The following GMDS variants were observed in gnomAD, a reference collection of about 807,000 sequenced individuals.
GMDS encodes the protein GDP-mannose 4,6 dehydratase.
A neutral mutation model predicts 49.9 loss-of-function variants in GMDS; 20 were observed. The observed-to-expected ratio is 0.40, with a 90% CI of 0.28 to 0.58. The LOEUF (loss-of-function observed/expected upper bound fraction) is 0.58, where lower values mean the gene tolerates loss of function less well. Ranked by LOEUF, GMDS falls within the 20% of genes least tolerant of loss-of-function variation. GMDS has a pLI of 0.42. For missense variants in GMDS, 362 were observed against 481.4 expected, an observed-to-expected ratio of 0.75 and a Z score of 2.32; for synonymous variants, 177 against 178.6, an observed-to-expected ratio of 0.99 and a Z score of 0.07.
rs1350026423 is a variant in GMDS, at chr6:1,836,211, T to C, written c.772-93625A>G. Reference sequence around the variant, plus strand: ...AGTACGTTTTTGATTCACTAGTATCTTGTCATGCCTGATAGTCTCTTTTAA... The same window carrying C: ...AGTACGTTTTTGATTCACTAGTATCCTGTCATGCCTGATAGTCTCTTTTAA... On this transcript the variant is annotated intron_variant, in intron 7 of 10. Transcript: ENST00000380815. This position sits in a 1 kb window ranked among gnomAD's most constrained non-coding sequence, Gnocchi z 4.2. Among the ~76,000 whole-genome samples, 1 of 152,186 alleles carries C rather than the reference T, an allele frequency of 6.6e-6. No individual in the cohort carries two copies. The highest frequency in any genetic ancestry group is 2.4e-5 in the African/African-American group (1 of 41,444).
intron 5 of GMDS, 75 bp downstream of exon 5, chr6:1,960,699 G>C: frequency 1.0e-6 from 1 of 961,242 alleles, no homozygotes. Context: ...TGAACAGAAT[G>C]AAAGGAAAAA....
intron 7 of GMDS, among the ~76,000 whole-genome samples, chr6:1,826,047 T>G (rs1388263244): frequency 6.6e-6 from 1 of 152,042 alleles, no homozygotes; most frequent in Admixed American, 6.6e-5. Context: ...ATGGTACACA[T>G]GTACAGGCAC....
At chr6:1,643,871 TAA>T (rs369051509) in intron 9 of GMDS, among the ~76,000 whole-genome samples, 1,703 of 150,896 alleles carry the variant, frequency 0.011, 31 homozygotes, top group African/African-American at 0.038. Flanking sequence ...CCCTCCCCTC[TAA>T]AAAAAAAGTC....
intron 9 of GMDS, among the ~76,000 whole-genome samples, chr6:1,629,663 G>A (rs1279039058): frequency 2.6e-5 from 4 of 152,144 alleles, no homozygotes; most frequent in African/African-American, 4.8e-5. Context: ...TCCCACTGTC[G>A]CCACTGTCAC....
intron 9 of GMDS, among the ~76,000 whole-genome samples, chr6:1,627,312 C>T (rs9392311): frequency 0.15 from 23,320 of 152,150 alleles, 2,237 homozygotes; most frequent in East Asian, 0.42. Flanking sequence ...TAAAGGGTGG[C>T]GTGGGGAGGG....
chr6:2,243,781 T>C (rs1324335980), intron 1 of GMDS, among the ~76,000 whole-genome samples: 1 of 151,276 alleles, frequency 6.6e-6, no homozygotes, highest in African/African-American at 2.4e-5. Context: ...AATCAGGTAT[T>C]CAATACTTGA....
At chr6:2,060,751 C>T (rs950528367) in intron 4 of GMDS, among the ~76,000 whole-genome samples, 1 of 152,108 alleles carries the variant, frequency 6.6e-6, no homozygotes, top group Non-Finnish European at 1.5e-5. Flanking sequence ...AGAAGGGGGC[C>T]GGGCGCGGTG....
intron 4 of GMDS, among the ~76,000 whole-genome samples, chr6:2,111,086 C>T (rs1481670390): frequency 2.0e-5 from 3 of 152,172 alleles, no homozygotes; most frequent in African/African-American, 7.2e-5. Context: ...TTGAAAATGA[C>T]ATTAAGATTA....
intron 4 of GMDS, among the ~76,000 whole-genome samples, chr6:2,086,695 G>A (rs921640499): frequency 9.8e-5 from 15 of 152,352 alleles, no homozygotes; most frequent in African/African-American, 3.6e-4. Flanking sequence ...TCAGTTAAAT[G>A]TGTTTTATTT....
At chr6:1,738,107 TAC>T (rs774574655) in intron 8 of GMDS, among the ~76,000 whole-genome samples, 16 of 123,956 alleles carry the variant, frequency 1.3e-4, no homozygotes, top group South Asian at 5.2e-4. Flanking sequence ...ACCACACATA[TAC>T]ACACACACCA....
rs569082223 is a variant in GMDS, at chr6:2,118,073, G to A, written c.148-517C>T. 4.4e-4 allele frequency among the ~76,000 whole-genome samples: 67 copies of A among 152,192 alleles called. 2 individuals are homozygous for A. The South Asian group carries it at 6.2e-3, about 14-fold the overall frequency. ...TACTATGCAGCTAAGTAGAAAAGTC[G>A]GAAAGCTAAAGAGCATGGGTAAGAG... On this transcript the variant is annotated intron_variant, in intron 2 of 10. Transcript: ENST00000380815.
At position 1,640,141 on chromosome 6, in the gene GMDS, A is replaced by G. The variant is rs559276674; in HGVS notation, c.988-15601T>C. Among the ~76,000 whole-genome samples, 7 of 152,252 alleles carry G rather than the reference A, an allele frequency of 4.6e-5. No homozygotes were observed. The highest frequency in any genetic ancestry group is 1.7e-4 in the African/African-American group (7 of 41,536). On this transcript the variant is annotated intron_variant, in intron 9 of 10. Transcript: ENST00000380815. This position sits in a 1 kb window ranked among gnomAD's most constrained non-coding sequence, Gnocchi z 4.0. Reference sequence around the variant, plus strand: ...ATGCAGTTAGACCCCAGAAGGATGTACCAGTCCATGGCACCAGCTCGGCAG... The same window carrying G: ...ATGCAGTTAGACCCCAGAAGGATGTGCCAGTCCATGGCACCAGCTCGGCAG...
chr6:1,988,474 AG>A (rs1242429319), intron 4 of GMDS, among the ~76,000 whole-genome samples: 2 of 151,998 alleles, frequency 1.3e-5, no homozygotes, highest in Non-Finnish European at 2.9e-5. Context: ...GGTGGGGGCG[AG>A]GGGGGCTCCA....
At chr6:2,025,825 TA>T (rs1487428872) in intron 4 of GMDS, among the ~76,000 whole-genome samples, 1 of 152,088 alleles carries the variant, frequency 6.6e-6, no homozygotes, top group Non-Finnish European at 1.5e-5. Context: ...TTCTTAATCC[TA>T]AAAAACCGAC....
chr6:1,848,054 G>A (rs1289251299), intron 7 of GMDS, among the ~76,000 whole-genome samples: 2 of 152,152 alleles, frequency 1.3e-5, no homozygotes, highest in Non-Finnish European at 2.9e-5. Context: ...AAGGATGTGA[G>A]GTAGAAGGCA....
At chr6:2,096,232 G>C (rs1009580934) in intron 4 of GMDS, among the ~76,000 whole-genome samples, 2 of 152,078 alleles carry the variant, frequency 1.3e-5, no homozygotes, top group South Asian at 4.1e-4. Flanking sequence ...GAAACAGAAA[G>C]TTTATTAAAA....
At chr6:1,842,739 G>A (rs1757203009) in intron 7 of GMDS, among the ~76,000 whole-genome samples, 1 of 152,184 alleles carries the variant, frequency 6.6e-6, no homozygotes, top group Admixed American at 6.5e-5. Context: ...TTTGAGGGGT[G>A]GGGATAGGGG....
intron 7 of GMDS, among the ~76,000 whole-genome samples, chr6:1,811,602 G>C (rs956461016): frequency 6.9e-6 from 1 of 145,628 alleles, no homozygotes; most frequent in African/African-American, 2.6e-5. Context: ...ATGCTTTCTG[G>C]AGACTTACGG....
intron 7 of GMDS, among the ~76,000 whole-genome samples, chr6:1,798,524 C>G (rs181335135): frequency 4.6e-5 from 7 of 152,074 alleles, no homozygotes; most frequent in African/African-American, 1.7e-4. Flanking sequence ...CAGGCTTTCT[C>G]GTAGCTGGAA....
Sources: allele counts gnomAD v4.1 joint callset (sites outside exome capture counted in the v4.1 genomes callset), GRCh38; gene constraint gnomAD v4.1.1; non-coding constraint Gnocchi (gnomAD v3.1); transcripts MANE v1.5; gene names NCBI Gene and HGNC (gene_info 2026-07-23, HGNC 2026-07-21).